Variants in PCDHA7 observed in about 807,000 individuals in gnomAD.
The protein encoded by PCDHA7 is protocadherin alpha 7, also known as protocadherin alpha-7.
A neutral mutation model predicts 57.2 loss-of-function variants in PCDHA7; 37 were observed. The observed-to-expected ratio is 0.65, with a 90% confidence interval of 0.50 to 0.85. PCDHA7 has a LOEUF of 0.85. Ranked by LOEUF, PCDHA7 falls within the 40% of genes least tolerant of loss-of-function variation. PCDHA7 has a pLI of 0.00. For synonymous variants in PCDHA7, 553 were observed against 558.8 expected (o/e 0.99, Z 0.15); for missense variants, 1,188 against 1,241.8 (o/e 0.96, Z 0.65).
chr5:140,858,114 T>C, intron 1 of PCDHA7: 1 of 1,597,256 alleles, frequency 6.3e-7, no homozygotes, highest in Non-Finnish European at 8.6e-7. Flanking sequence ...GCGCCCGAGG[T>C]GGCCCTGGTG....
Position 140,946,611 on chromosome 5 carries a change from AAT to A in PCDHA7, c.2356-32318_2356-32317del, listed in dbSNP as rs1554217734. On this transcript the variant is annotated intron_variant, in intron 1 of 3. Coordinates refer to ENST00000525929, the MANE Select transcript of PCDHA7 (RefSeq NM_018910.3). ...GGATGAATAGATAAAGAAAATGTGA[AAT>A]ATATATATATATATATATACAATGG... is the stretch of plus-strand genomic sequence containing the variant. 5.8e-3 allele frequency among the ~76,000 whole-genome samples: 503 copies of A among 86,618 alleles called. 18 individuals are homozygous for A. The highest frequency in any genetic ancestry group is 0.022 in the Middle Eastern group (4 of 186). The allele number at this position is 86,618 out of a possible 152,430, so 56.8% of individuals were successfully genotyped here. A position where few individuals can be genotyped will look rare whatever the true frequency, so the allele number is the denominator to read the frequency against.
At position 140,836,025 on chromosome 5, in the gene PCDHA7, A is replaced by G. The variant is rs2150250973; in HGVS notation, c.1642A>G (p.Asn548Asp). 6 of 1,613,528 alleles carry G rather than the reference A, an allele frequency of 3.7e-6. 1 individual carries two copies. In the South Asian group the frequency reaches 5.5e-5, roughly 15 times the overall value. Reference sequence around the variant, plus strand: ...TGCGGGCGTGCCGCCTCTGGGCAGCAACGTGACGCTGCAGGTGTTCGTGCT... The same window carrying G: ...TGCGGGCGTGCCGCCTCTGGGCAGCGACGTGACGCTGCAGGTGTTCGTGCT... ...RDAGVPPLGSNVTLQVFVLDE... is the reference protein window; with the variant it reads ...RDAGVPPLGSDVTLQVFVLDE... The change falls in exon 1 of 4, where the codon AAC (asparagine) becomes GAC (aspartate). Residue 548 changes from asparagine (N) to aspartate (D), a missense_variant. Coordinates refer to ENST00000525929, the MANE Select transcript of PCDHA7 (RefSeq NM_018910.3).
intron 1 of PCDHA7, among the ~76,000 whole-genome samples, chr5:140,840,434 G>A (rs1349807870): frequency 6.6e-6 from 1 of 151,928 alleles, no homozygotes; most frequent in Non-Finnish European, 1.5e-5. Flanking sequence ...GTTTAAAGCC[G>A]TGGAAATAGA....
At chr5:140,993,470 A>T (rs1348899420) in intron 3 of PCDHA7, among the ~76,000 whole-genome samples, 10 of 115,268 alleles carry the variant, frequency 8.7e-5, no homozygotes, top group East Asian at 7.9e-4. Flanking sequence ...TCTCACACAC[A>T]CACACACACA....
chr5:140,915,553 A>T (rs1317422262), intron 1 of PCDHA7, among the ~76,000 whole-genome samples: 1 of 152,156 alleles, frequency 6.6e-6, no homozygotes, highest in African/African-American at 2.4e-5. Context: ...AATAAGATCC[A>T]GAATGATTAT....
At chr5:140,999,138 C>G (rs530740266) in intron 3 of PCDHA7, among the ~76,000 whole-genome samples, 1 of 152,258 alleles carries the variant, frequency 6.6e-6, no homozygotes, top group East Asian at 1.9e-4. Context: ...AATGTCACAG[C>G]CGGAAGTCTT....
intron 1 of PCDHA7, chr5:140,968,967 A>G (rs782494657): frequency 2.5e-6 from 4 of 1,614,216 alleles, no homozygotes; most frequent in East Asian, 2.2e-5. Context: ...TGCTACCGCT[A>G]CACTGCGTAT....
intron 1 of PCDHA7, among the ~76,000 whole-genome samples, chr5:140,913,086 A>G (rs937964424): frequency 6.6e-6 from 1 of 152,142 alleles, no homozygotes; most frequent in Admixed American, 6.6e-5. Flanking sequence ...TGGTATCAGG[A>G]TAATACTGGC....
chr5:140,969,201 G>A (rs2096306183), intron 1 of PCDHA7: 2 of 1,614,110 alleles, frequency 1.2e-6, no homozygotes, highest in Non-Finnish European at 1.7e-6. Context: ...TACAATACAG[G>A]GGCCCAGACA....
rs1554149409 is a variant in PCDHA7 at position 140,857,004 on chromosome 5, T to G, written c.2355+20266T>G. 3 of 1,595,634 alleles carry G rather than the reference T, an allele frequency of 1.9e-6. No individual in the cohort carries two copies. The South Asian group carries it at 3.3e-5, about 18-fold the overall frequency. ...GACAGTAACACTTATGAAATTCATG[T>G]AGATGTTACAGATAAGGGAAACCCA... On this transcript the variant is annotated intron_variant, in intron 1 of 3. Coordinates refer to ENST00000525929, the MANE Select transcript of PCDHA7 (RefSeq NM_018910.3).
chr5:140,860,551 GA>G (rs781917307), intron 1 of PCDHA7: 4 of 152,042 alleles, frequency 2.6e-5, no homozygotes, highest in Non-Finnish European at 5.9e-5. Context: ...ACCCACCTTT[GA>G]AGAGGTACTG....
chr5:140,879,875 C>T (rs1040496825), intron 1 of PCDHA7, among the ~76,000 whole-genome samples: 39 of 152,326 alleles, frequency 2.6e-4, no homozygotes, highest in African/African-American at 8.7e-4. Flanking sequence ...TTCATGGTCA[C>T]ATTGCCTCCT....
chr5:140,969,019 G>C lies in PCDHA7; in HGVS notation c.2356-9930G>C. 3.1e-6 allele frequency: 5 copies of C among 1,614,164 alleles called. No homozygotes were observed. The South Asian group carries it at 5.5e-5, about 18-fold the overall frequency. ...GAGGCTTCTGTGGAGTAAGGGAAAG[G>C]TCCCCTGCAGAACTGTACAAACAAG... On this transcript the variant is annotated intron_variant, in intron 1 of 3. Transcript: ENST00000525929.
At position 140,884,423 on chromosome 5, in the gene PCDHA7, A is replaced by G. The variant is rs2060160830; in HGVS notation, c.2355+47685A>G. The G allele has an allele frequency of 1.2e-6, 2 of 1,613,932 alleles. No individual in the cohort carries two copies. Among genetic ancestry groups the G allele is most frequent in the African/African-American group, 1.3e-5 (1 of 75,050 alleles). On this transcript the variant is annotated intron_variant, in intron 1 of 3. Coordinates refer to ENST00000525929, the MANE Select transcript of PCDHA7 (RefSeq NM_018910.3). ...GTTGGTGCTCACGTTGCTGCTGTAT[A>G]CTGCGCTGCGGTGCTCGGCACCGCC...
intron 1 of PCDHA7, among the ~76,000 whole-genome samples, chr5:140,961,654 T>G (rs1554225528): frequency 6.6e-6 from 1 of 152,194 alleles, no homozygotes; most frequent in East Asian, 1.9e-4. Context: ...TGTGGTTAGT[T>G]TGAAGTTACC....
chr5:140,857,337 G>T, intron 1 of PCDHA7: 1 of 1,598,496 alleles, frequency 6.3e-7, no homozygotes, highest in South Asian at 1.1e-5. Context: ...CGGGACGGGG[G>T]CTCGCCTCCG....
intron 1 of PCDHA7, chr5:140,856,749 C>A (rs146132566): frequency 1.3e-6 from 2 of 1,595,860 alleles, no homozygotes; most frequent in East Asian, 2.2e-5. Context: ...GTGTTAGATG[C>A]CAATGATAAC....
chr5:140,842,604 G>C, intron 1 of PCDHA7: 4 of 1,550,196 alleles, frequency 2.6e-6, no homozygotes, highest in Non-Finnish European at 3.5e-6. Context: ...GTAACCGCGC[G>C]GGACGGGGGC....
intron 1 of PCDHA7, among the ~76,000 whole-genome samples, chr5:140,839,079 C>T (rs1224426346): frequency 1.3e-5 from 2 of 151,864 alleles, no homozygotes; most frequent in African/African-American, 2.4e-5. Context: ...AGTCAAAAAC[C>T]TGTCTGATAA....
Sources: gnomAD v4.1 joint callset for allele counts (sites outside exome capture counted in the v4.1 genomes callset) on GRCh38, gnomAD v4.1.1 for gene constraint, MANE v1.5 for transcripts, NCBI Gene and HGNC (gene_info 2026-07-23, HGNC 2026-07-21) for gene names.